Variants in ACSM2B observed in about 807,000 individuals in gnomAD.
The protein encoded by ACSM2B is acyl-CoA synthetase medium chain family member 2B.
ACSM2B carries 58 observed loss-of-function variants against 78.6 expected under a neutral mutation model. That is an observed-to-expected ratio of 0.74 (90% CI 0.60 to 0.92). The LOEUF is 0.92. Ranked by LOEUF, ACSM2B falls within the 40% of genes least tolerant of loss-of-function variation. The pLI is 0.00. For synonymous variants in ACSM2B, 257 were observed against 256.8 expected (o/e 1.00, Z -0.01); for missense variants, 688 against 711.2 (o/e 0.97, Z 0.37).
chr16:20,550,614 G>C (rs2015284670), intron 6 of ACSM2B, among the ~76,000 whole-genome samples: 2 of 152,182 alleles, frequency 1.3e-5, no homozygotes, highest in South Asian at 4.2e-4. Flanking sequence ...TGAAAATCCA[G>C]ACCACACCTG....
chr16:20,564,302 G>A (rs2015753895), intron 2 of ACSM2B, among the ~76,000 whole-genome samples: 3 of 151,590 alleles, frequency 2.0e-5, no homozygotes, highest in East Asian at 2.0e-4. Flanking sequence ...GTCTCGCTGT[G>A]TTGCCCAGGC....
intron 3 of ACSM2B, among the ~76,000 whole-genome samples, chr16:20,557,693 C>G (rs183610966): frequency 2.6e-5 from 4 of 152,346 alleles, no homozygotes; most frequent in Non-Finnish European, 5.9e-5. Flanking sequence ...CAATATAGCA[C>G]CTGGCCACCT....
At chr16:20,559,533 G>T (rs766881575) in intron 2 of ACSM2B, 86 bp from the exon 3 acceptor site, 54 of 1,503,472 alleles carry the variant, frequency 3.6e-5, no homozygotes, top group Admixed American at 2.8e-4. Flanking sequence ...TGCCAAGCTG[G>T]TGCTTAGTAA....
chr16:20,537,788 G>T (rs2014885201), intron 13 of ACSM2B, among the ~76,000 whole-genome samples: 2 of 152,168 alleles, frequency 1.3e-5, no homozygotes, highest in African/African-American at 4.8e-5. Context: ...GATTATGCAG[G>T]CTAAGTTATT....
intron 1 of ACSM2B, among the ~76,000 whole-genome samples, chr16:20,566,829 T>TTATA (rs1281254582): frequency 8.6e-6 from 1 of 116,942 alleles, no homozygotes; most frequent in South Asian, 2.3e-4. Flanking sequence ...TTTATATCTT[T>TTATA]TATATATATA....
intron 6 of ACSM2B, among the ~76,000 whole-genome samples, chr16:20,550,133 AG>A (rs1243552661): frequency 6.6e-6 from 1 of 152,188 alleles, no homozygotes; most frequent in African/African-American, 2.4e-5. Context: ...CTGGCTGAGG[AG>A]GAAGTCCATT....
chr16:20,557,333 G>C (rs529282384), intron 3 of ACSM2B, among the ~76,000 whole-genome samples: 4 of 152,206 alleles, frequency 2.6e-5, no homozygotes, highest in African/African-American at 9.6e-5. Flanking sequence ...GTGAAAGACA[G>C]CACCCACTTG....
chr16:20,541,047 A>C (rs1305321718), intron 12 of ACSM2B: 4 of 265,008 alleles, frequency 1.5e-5, no homozygotes, highest in Non-Finnish European at 2.9e-5. Context: ...GAAAGAAGAT[A>C]CAGGGGGAGA....
At chr16:20,567,952 C>T (rs1260998571) in intron 1 of ACSM2B, among the ~76,000 whole-genome samples, 1 of 141,364 alleles carries the variant, frequency 7.1e-6, no homozygotes, top group Non-Finnish European at 1.5e-5. Context: ...TATATTTGTA[C>T]ATATTTAAAA....
At chr16:20,566,615 AGTATATATAC>A (rs2015855872) in intron 1 of ACSM2B, among the ~76,000 whole-genome samples, 1 of 69,872 alleles carries the variant, frequency 1.4e-5, no homozygotes, top group African/African-American at 7.0e-5. Flanking sequence ...ATCTACATAT[AGTATATATAC>A]TATATATAGT....
In ACSM2B at chr16:20,552,425, A is replaced by C. The variant is rs1457046053; in HGVS notation, c.741-128T>G. 16 of 1,350,994 alleles carry C rather than the reference A, an allele frequency of 1.2e-5. 1 individual carries two copies. In the Admixed American group the frequency reaches 2.2e-4, roughly 18 times the overall value. The allele number at this position is 1,350,994 out of a possible 1,614,324, so 83.7% of individuals were successfully genotyped here. A position where few individuals can be genotyped will look rare whatever the true frequency, so the allele number is the denominator to read the frequency against. ...TGTGCGTGTATCTGCCTGCAGGTTT[A>C]TAGGCATATGTTTAAGTATAAGTAG... On this transcript the variant is annotated intron_variant, in intron 5 of 13. Transcript: ENST00000329697.
At chr16:20,540,579 C>T (rs2014961062) in intron 13 of ACSM2B, 75 bp downstream of exon 13, 3 of 1,583,560 alleles carry the variant, frequency 1.9e-6, no homozygotes, top group South Asian at 2.3e-5. Context: ...CTGTCCTCCT[C>T]CTGAAGAAGA....
At chr16:20,547,900 T>C in intron 8 of ACSM2B, 162 bp downstream of exon 8, 1 of 1,464,846 alleles carries the variant, frequency 6.8e-7, no homozygotes, top group East Asian at 2.3e-5. Context: ...TTTTTTGTTC[T>C]GTGCTGAATT....
chr16:20,549,638 C>T (rs2015242658), intron 6 of ACSM2B: 1 of 322,686 alleles, frequency 3.1e-6, no homozygotes, highest in Non-Finnish European at 6.0e-6. Flanking sequence ...TATTCTGAGC[C>T]AAACATGAGT....
At chr16:20,572,716 C>G (rs1470060526) in intron 1 of ACSM2B, among the ~76,000 whole-genome samples, 1 of 151,636 alleles carries the variant, frequency 6.6e-6, no homozygotes, top group East Asian at 1.9e-4. Flanking sequence ...GCCAATTATT[C>G]TTAGGTTTGA....
At chr16:20,542,666 A>T in intron 12 of ACSM2B, 4 of 497,770 alleles carry the variant, frequency 8.0e-6, no homozygotes, top group Non-Finnish European at 1.1e-5. Flanking sequence ...TTTTTGAGAA[A>T]TCACCATACT....
At chr16:20,553,098 C>A (rs950403164) in intron 5 of ACSM2B, among the ~76,000 whole-genome samples, 2 of 152,114 alleles carry the variant, frequency 1.3e-5, no homozygotes, top group Non-Finnish European at 2.9e-5. Flanking sequence ...TTTTTACTAA[C>A]TTATTTATTT....
chr16:20,570,331 G>A (rs2016058577), intron 1 of ACSM2B, among the ~76,000 whole-genome samples: 1 of 151,878 alleles, frequency 6.6e-6, no homozygotes, highest in Non-Finnish European at 1.5e-5. Context: ...TGTGATTTTT[G>A]TTTTTAATTC....
rs1335489321 is a variant in ACSM2B at position 20,555,120 on chromosome 16, C to T, written c.596+149G>A. ...TTGCAATGACTTGAAAAAAAAAACCCTTGTATTAGCTTTTATTTCTTCCCA... is the reference window on the plus strand; with the variant it reads ...TTGCAATGACTTGAAAAAAAAAACCTTTGTATTAGCTTTTATTTCTTCCCA... On this transcript the variant is annotated intron_variant, in intron 4 of 13. Transcript: ENST00000329697. 4.4e-6 allele frequency: 6 copies of T among 1,352,282 alleles called. No individual in the cohort carries two copies. The African/African-American group carries it at 5.9e-5, about 13-fold the overall frequency. The allele number at this position is 1,352,282 out of a possible 1,614,324, so 83.8% of individuals were successfully genotyped here. A position where few individuals can be genotyped will look rare whatever the true frequency, so the allele number is the denominator to read the frequency against.
Sources: gnomAD v4.1 joint callset for allele counts (sites outside exome capture counted in the v4.1 genomes callset) on GRCh38, gnomAD v4.1.1 for gene constraint, MANE v1.5 for transcripts, NCBI Gene and HGNC (gene_info 2026-07-23, HGNC 2026-07-21) for gene names.